EDA: variants seen among roughly 807,000 people sequenced by gnomAD.
EDA encodes the protein ectodysplasin-A.
Under a neutral mutation model 23.6 loss-of-function variants are expected in EDA, and 2 were observed. That is an observed-to-expected ratio of 0.08 (90% confidence interval 0.03 to 0.27). EDA has a LOEUF of 0.27. EDA is among the 10% of genes least tolerant of loss of function. EDA has a pLI of 1.00. For synonymous variants in EDA, 131 were observed against 132.0 expected, an observed-to-expected ratio of 0.99 and a Z score of 0.05; for missense variants, 229 against 324.2, an observed-to-expected ratio of 0.71 and a Z score of 2.26.
intron 1 of EDA, among the ~76,000 whole-genome samples, chrX:69,682,653 T>C (rs1569295272): frequency 1.8e-5 from 2 of 112,028 alleles, no homozygotes; most frequent in Non-Finnish European, 3.8e-5. Context: ...GCTTCCCGAG[T>C]GAGGCAATGC....
At chrX:69,886,959 T>A (rs2017838158) in intron 1 of EDA, among the ~76,000 whole-genome samples, 1 of 111,919 alleles carries the variant, frequency 8.9e-6, no homozygotes, top group African/African-American at 3.3e-5. Flanking sequence ...TAAGGAAGAA[T>A]CAAGCAAATG....
intron 1 of EDA, among the ~76,000 whole-genome samples, chrX:69,755,926 G>C (rs2014097595): frequency 8.9e-6 from 1 of 112,324 alleles, no homozygotes; most frequent in African/African-American, 3.2e-5. Context: ...CGCAGTATTA[G>C]AGTGGGGAGT....
intron 1 of EDA, among the ~76,000 whole-genome samples, chrX:69,653,993 T>C (rs1933201478): frequency 9.0e-6 from 1 of 111,169 alleles, no homozygotes; most frequent in Non-Finnish European, 1.9e-5. Flanking sequence ...CAAAAGAAAC[T>C]ACCATCAGAG....
At chrX:69,846,357 C>A (rs900103849) in intron 1 of EDA, among the ~76,000 whole-genome samples, 3 of 111,071 alleles carry the variant, frequency 2.7e-5, no homozygotes, top group African/African-American at 9.8e-5. Context: ...TGCAGTGGCA[C>A]CATCTCGGCT....
chrX:69,676,943 G>A (rs867597619), intron 1 of EDA, among the ~76,000 whole-genome samples: 1 of 99,724 alleles, frequency 1.0e-5, no homozygotes, highest in African/African-American at 3.7e-5. Flanking sequence ...TCGTCATCTA[G>A]CATTAGGTAT....
At chrX:69,829,374 T>C (rs943295066) in intron 1 of EDA, among the ~76,000 whole-genome samples, 4 of 112,235 alleles carry the variant, frequency 3.6e-5, no homozygotes, top group African/African-American at 9.7e-5. Context: ...ATGTCCAAGG[T>C]TGATAATCTT....
At chrX:69,832,096 T>C (rs12834870) in intron 1 of EDA, among the ~76,000 whole-genome samples, 1 of 111,844 alleles carries the variant, frequency 8.9e-6, no homozygotes, top group Non-Finnish European at 1.9e-5. Context: ...GGTGTTTCAG[T>C]CATGGAGTCC....
intron 1 of EDA, among the ~76,000 whole-genome samples, chrX:69,681,026 A>G (rs1419014907): frequency 0.015 from 1,682 of 108,833 alleles, 31 homozygotes; most frequent in African/African-American, 0.055. Context: ...GGTGGTGACA[A>G]AATCTCTCAG....
chrX:69,643,538 T>C (rs1321089714), intron 1 of EDA, among the ~76,000 whole-genome samples: 1 of 111,717 alleles, frequency 9.0e-6, no homozygotes, highest in African/African-American at 3.3e-5. Flanking sequence ...TGCCAACATT[T>C]TTATCCCATT....
chrX:69,879,452 ATGG>A (rs1351823745), intron 1 of EDA, among the ~76,000 whole-genome samples: 1 of 111,704 alleles, frequency 9.0e-6, no homozygotes, highest in African/African-American at 3.3e-5. Flanking sequence ...AAAAAATATA[ATGG>A]TGATCAACTC....
chrX:70,027,278 C>A (rs941024516), intron 3 of EDA, among the ~76,000 whole-genome samples: 5 of 111,546 alleles, frequency 4.5e-5, no homozygotes, highest in Non-Finnish European at 9.4e-5. Flanking sequence ...GTGTCTGTTT[C>A]CCCACAGACA....
chrX:69,863,867 C>T (rs961576772), intron 1 of EDA, among the ~76,000 whole-genome samples: 2 of 109,689 alleles, frequency 1.8e-5, no homozygotes, highest in African/African-American at 6.6e-5. Flanking sequence ...AAATTTGAAA[C>T]GATCTTATAC....
intron 1 of EDA, among the ~76,000 whole-genome samples, chrX:69,683,646 G>A (rs184638814): frequency 1.6e-4 from 18 of 110,292 alleles, no homozygotes; most frequent in Non-Finnish European, 2.8e-4. Flanking sequence ...GTTCTTAAAC[G>A]GCAGACTGTG....
At chrX:69,768,302 A>C (rs1427192222) in intron 1 of EDA, among the ~76,000 whole-genome samples, 1 of 112,030 alleles carries the variant, frequency 8.9e-6, no homozygotes, top group African/African-American at 3.2e-5. Flanking sequence ...TTCTGTTTTC[A>C]TCAAAAAGTT....
intron 1 of EDA, among the ~76,000 whole-genome samples, chrX:69,786,528 C>T (rs1414315651): frequency 1.5e-4 from 17 of 110,017 alleles, no homozygotes; most frequent in African/African-American, 5.0e-4. Context: ...ATCTTTATTT[C>T]TGCCTTCATT....
chrX:69,764,205 A>G (rs1258640879), intron 1 of EDA, among the ~76,000 whole-genome samples: 1 of 90,349 alleles, frequency 1.1e-5, no homozygotes, highest in African/African-American at 4.4e-5. Flanking sequence ...TTCCACCACT[A>G]CCACTACCAC....
At chrX:69,677,898 T>C (rs1309109637) in intron 1 of EDA, among the ~76,000 whole-genome samples, 1 of 112,021 alleles carries the variant, frequency 8.9e-6, no homozygotes, top group Non-Finnish European at 1.9e-5. Context: ...TCCTTGCCCA[T>C]GCCTATGTCC....
chrX:70,008,362 G>A (rs1208338527), intron 2 of EDA, among the ~76,000 whole-genome samples: 1 of 112,208 alleles, frequency 8.9e-6, no homozygotes, highest in East Asian at 2.8e-4. Flanking sequence ...ATGAAGTGAT[G>A]TTGCATTTTG....
intron 7 of EDA, 127 bp downstream of exon 7, chrX:70,033,655 G>C (rs1040669344): frequency 8.9e-6 from 7 of 789,998 alleles, no homozygotes; most frequent in African/African-American, 8.2e-5. Flanking sequence ...GTGAGGGGGT[G>C]GGGGGACCGC....
Sources: gnomAD v4.1 joint callset for allele counts (sites outside exome capture counted in the v4.1 genomes callset) on GRCh38, gnomAD v4.1.1 for gene constraint, MANE v1.5 for transcripts, NCBI Gene and HGNC (gene_info 2026-07-23, HGNC 2026-07-21) for gene names.